The following PKHD1 variants were observed in gnomAD, a reference collection of about 807,000 sequenced individuals.
PKHD1 encodes the protein PKHD1 ciliary IPT domain containing fibrocystin/polyductin, also known as fibrocystin.
Under a neutral mutation model 412.0 loss-of-function variants are expected in PKHD1, and 291 were observed. The observed-to-expected ratio is 0.71, with a 90% CI of 0.64 to 0.78. The LOEUF (loss-of-function observed/expected upper bound fraction) is 0.78, where lower values mean the gene tolerates loss of function less well. Among genes scored for constraint, PKHD1 ranks in the 30% least tolerant of loss-of-function variants. The probability of loss-of-function intolerance (pLI) is 0.00; values close to 1 mark genes in which losing one functional copy is unlikely to be tolerated. For synonymous variants in PKHD1, 1,777 were observed against 1,821.5 expected (o/e 0.98, Z 0.62); for missense variants, 4,825 against 4,950.7 (o/e 0.97, Z 0.76).
At chr6:51,723,354 C>G (rs983799012) in intron 60 of PKHD1, among the ~76,000 whole-genome samples, 5 of 152,148 alleles carry the variant, frequency 3.3e-5, no homozygotes, top group African/African-American at 1.2e-4. Flanking sequence ...ACAGAGAAAA[C>G]CTTGTTAGTG....
At chr6:52,020,121 G>T (rs573808400) in intron 33 of PKHD1, among the ~76,000 whole-genome samples, 1 of 152,132 alleles carries the variant, frequency 6.6e-6, no homozygotes, top group Admixed American at 6.5e-5. Flanking sequence ...AATTCAAAGC[G>T]ACCTTGGTAA....
At chr6:51,781,400 G>C (rs913330008) in intron 53 of PKHD1, among the ~76,000 whole-genome samples, 4 of 152,112 alleles carry the variant, frequency 2.6e-5, no homozygotes, top group Non-Finnish European at 4.4e-5. Context: ...TTTTATTCAG[G>C]CTAACAAATT....
intron 54 of PKHD1, among the ~76,000 whole-genome samples, chr6:51,774,455 G>C (rs888087258): frequency 2.2e-4 from 33 of 151,896 alleles, no homozygotes; most frequent in African/African-American, 7.5e-4. Context: ...ACAGAAAAGA[G>C]TGAATACCAC....
intron 52 of PKHD1, among the ~76,000 whole-genome samples, chr6:51,801,791 T>A (rs1762979963): frequency 6.6e-6 from 1 of 152,146 alleles, no homozygotes; most frequent in Non-Finnish European, 1.5e-5. Flanking sequence ...CCACATTCTT[T>A]CTGTGTCTTT....
chr6:51,928,340 C>T (rs905802744), intron 37 of PKHD1, among the ~76,000 whole-genome samples: 4 of 152,118 alleles, frequency 2.6e-5, no homozygotes, highest in African/African-American at 7.2e-5. Flanking sequence ...AGAATACAGA[C>T]GAAGGTAGTG....
In PKHD1 at chr6:52,025,167, T is replaced by C. The variant is rs1179422024; in HGVS notation, c.4643A>G (p.His1548Arg). ...TCTTGTATAAAAAACTGACAGGTAG[T>C]GGGGTCCTGGGGCCAAGTCTCTTGT... Reference protein sequence around the residue: ...CQTRDLAPGPHYLSVFYTRNG... With the variant: ...CQTRDLAPGPRYLSVFYTRNG... Residue 1548 changes from histidine (H) to arginine (R), a missense_variant, in exon 32 of 67, where the codon CAC becomes CGC. Physicochemically the swap from His to Arg is conservative, Grantham distance 29. Transcript: ENST00000371117. The C allele has an allele frequency of 6.2e-7, 1 of 1,614,032 alleles. No homozygotes were observed. The highest frequency in any genetic ancestry group is 2.2e-5 in the East Asian group (1 of 44,882).
At chr6:51,905,931 C>T (rs1781999789) in intron 41 of PKHD1, among the ~76,000 whole-genome samples, 1 of 152,122 alleles carries the variant, frequency 6.6e-6, no homozygotes, top group African/African-American at 2.4e-5. Context: ...ATGCATGTGA[C>T]TTAGAATTAT....
Position 51,998,580 on chromosome 6 carries a change from A to C in PKHD1, c.5751+11729T>G, listed in dbSNP as rs143285112. 2.4e-3 allele frequency among the ~76,000 whole-genome samples: 369 copies of C among 152,328 alleles called. 1 individual carries two copies. Among genetic ancestry groups the C allele is most frequent in the African/African-American group, 8.6e-3 (358 of 41,580 alleles). ...TGAGAAGACTAGTTTAGTAATTATA[A>C]TATTCTAGAAAGGAGCTAGAGCTTT... On this transcript the variant is annotated intron_variant, in intron 35 of 66. Transcript: ENST00000371117.
intron 60 of PKHD1, among the ~76,000 whole-genome samples, chr6:51,710,790 G>A (rs1015339075): frequency 1.3e-5 from 2 of 152,150 alleles, no homozygotes; most frequent in East Asian, 1.9e-4. Context: ...TGAGGTAAGC[G>A]CCATCTATAA....
At chr6:51,848,219 T>C (rs1235201698) in intron 49 of PKHD1, among the ~76,000 whole-genome samples, 1 of 152,192 alleles carries the variant, frequency 6.6e-6, no homozygotes, top group African/African-American at 2.4e-5. Context: ...ATAAGGTTCA[T>C]CTCGTTTAAC....
chr6:51,920,468 T>G (rs565140661), intron 37 of PKHD1, among the ~76,000 whole-genome samples: 8 of 152,296 alleles, frequency 5.3e-5, no homozygotes, highest in South Asian at 4.1e-4. Flanking sequence ...GCATCCCAGG[T>G]ATGAAGCCCA....
At chr6:51,755,200 A>G (rs1786769945) in intron 55 of PKHD1, among the ~76,000 whole-genome samples, 2 of 152,222 alleles carry the variant, frequency 1.3e-5, no homozygotes, top group African/African-American at 4.8e-5. Context: ...AAAGGAATAA[A>G]AAACAATAAA....
chr6:51,843,079 T>C (rs1023676592), intron 50 of PKHD1, among the ~76,000 whole-genome samples: 1 of 152,230 alleles, frequency 6.6e-6, no homozygotes, highest in Non-Finnish European at 1.5e-5. Context: ...CTCTGCCCCA[T>C]TTAATGATTT....
Position 51,855,933 on chromosome 6 carries a change from GAGT to G in PKHD1, c.7868_7870del (p.Tyr2623del). Reference sequence around the variant, plus strand: ...GATCCAAAGGTTCTCAGATTGCAATGAGTAGGTCTCTTGGTCCAAGAGCAGAGC... The same window carrying G: ...GATCCAAAGGTTCTCAGATTGCAATGAGGTCTCTTGGTCCAAGAGCAGAGC... On this transcript the variant is annotated inframe_deletion, in exon 49 of 67. Coordinates refer to ENST00000371117, the MANE Select transcript of PKHD1 (RefSeq NM_138694.4). The G allele has an allele frequency of 6.2e-7, 1 of 1,614,052 alleles. No individual in the cohort carries two copies. Among genetic ancestry groups the G allele is most frequent in the Non-Finnish European group, 8.5e-7 (1 of 1,179,866 alleles).
intron 60 of PKHD1, among the ~76,000 whole-genome samples, chr6:51,687,472 C>T (rs1213129799): frequency 1.3e-5 from 2 of 152,242 alleles, no homozygotes; most frequent in East Asian, 3.9e-4. Context: ...AACCTAAGCT[C>T]ATGGTGTTAA....
At chr6:51,806,320 C>G (rs1042509445) in intron 52 of PKHD1, among the ~76,000 whole-genome samples, 2 of 152,084 alleles carry the variant, frequency 1.3e-5, no homozygotes, top group Non-Finnish European at 2.9e-5. Flanking sequence ...ATCTGAGTAA[C>G]ATTCAAGAAG....
intron 33 of PKHD1, among the ~76,000 whole-genome samples, chr6:52,018,473 C>T (rs981924891): frequency 6.6e-6 from 1 of 152,086 alleles, no homozygotes; most frequent in African/African-American, 2.4e-5. Context: ...ATTTCACTGT[C>T]GTCTTAATCT....
chr6:51,901,786 T>C (rs1373757542), intron 43 of PKHD1, among the ~76,000 whole-genome samples: 1 of 152,104 alleles, frequency 6.6e-6, no homozygotes, highest in Admixed American at 6.5e-5. Flanking sequence ...AAAACTCCAT[T>C]CTCAAAACAT....
chr6:51,787,019 C>T (rs918121506), intron 53 of PKHD1, among the ~76,000 whole-genome samples: 1 of 152,192 alleles, frequency 6.6e-6, no homozygotes, highest in Admixed American at 6.5e-5. Flanking sequence ...TATGATTCAA[C>T]TCTATTAAAA....
Sources: allele counts gnomAD v4.1 joint callset (sites outside exome capture counted in the v4.1 genomes callset), GRCh38; gene constraint gnomAD v4.1.1; transcripts MANE v1.5; gene names NCBI Gene and HGNC (gene_info 2026-07-23, HGNC 2026-07-21).